The following PRR14 variants were observed in gnomAD, a reference collection of about 807,000 sequenced individuals.
The protein encoded by PRR14 is proline rich 14.
In PRR14, 33 loss-of-function variants were observed where a neutral mutation model predicts 57.2. That is an observed-to-expected ratio of 0.58 (90% CI 0.44 to 0.77). The LOEUF (loss-of-function observed/expected upper bound fraction) is 0.77, where lower values mean the gene tolerates loss of function less well. Among genes scored for constraint, PRR14 ranks in the 30% least tolerant of loss-of-function variants. PRR14 has a pLI of 0.00. For missense variants in PRR14, 716 were observed against 788.1 expected (o/e 0.91, Z 1.10); for synonymous variants, 303 against 314.7 (o/e 0.96, Z 0.39).
chr16:30,654,893 C>T lies in PRR14; in HGVS notation c.923C>T (p.Pro308Leu). Residue 308 changes from proline (P) to leucine (L), a missense_variant, in exon 8 of 12, where the codon CCA becomes CTA. By Grantham distance (98) the Pro-to-Leu change is moderately conservative (BLOSUM62 -3). Coordinates refer to ENST00000300835, the MANE Select transcript of PRR14 (RefSeq NM_024031.5). Reference sequence around the variant, plus strand: ...ACTGCGTCTGTCAGCCCCCGGCCCCCAATCCGCCAGTGGCGAACTCAGGAC... The same window carrying T: ...ACTGCGTCTGTCAGCCCCCGGCCCCTAATCCGCCAGTGGCGAACTCAGGAC... ...EGTASVSPRP[P>L]IRQWRTQDHN... 6.2e-7 allele frequency: 1 copy of T among 1,611,864 alleles called. No individual in the cohort carries two copies. The highest frequency in any genetic ancestry group is 8.5e-7 in the Non-Finnish European group (1 of 1,178,830).
In PRR14 at chr16:30,651,566, C is replaced by A; in HGVS notation, c.-50-30C>A. 1.2e-6 allele frequency: 1 copy of A among 853,622 alleles called. No individual in the cohort carries two copies. The highest frequency in any genetic ancestry group is 1.7e-6 in the Non-Finnish European group (1 of 575,714). The allele number at this position is 853,622 out of a possible 1,614,324, so 52.9% of individuals were successfully genotyped here. ...CCCAGGGAAGGGGCCGGCCCTCACCCCCCGCTCCCCCGCTCCCCCCTTACC... is the reference window on the plus strand; with the variant it reads ...CCCAGGGAAGGGGCCGGCCCTCACCACCCGCTCCCCCGCTCCCCCCTTACC... On this transcript the variant is annotated intron_variant, in intron 1 of 11. Transcript: ENST00000300835. This position sits in a 1 kb window ranked among gnomAD's most constrained non-coding sequence, Gnocchi z 5.0.
intron 3 of PRR14, 117 bp from the exon 4 acceptor site, chr16:30,652,604 A>G: frequency 7.7e-7 from 1 of 1,290,806 alleles, no homozygotes; most frequent in Non-Finnish European, 1.1e-6. Context: ...GATCCGAGTG[A>G]ATTCTAGCCC....
At position 30,653,088 on chromosome 16, in the gene PRR14, T is replaced by C. The variant is rs1365997397; in HGVS notation, c.489T>C (p.Pro163=). 4 of 1,607,846 alleles carry C rather than the reference T, an allele frequency of 2.5e-6. No individual in the cohort carries two copies. Among genetic ancestry groups the C allele is most frequent in the South Asian group, 1.1e-5 (1 of 90,616 alleles). ...LVVMLEDIAS[P]RPPAEGFIDE... is the part of the protein sequence containing the mutation. ...TGATGCTGGAAGACATCGCCAGTCC[T>C]AGACCCCCCGCTGAGGTATGGGAAC... The change falls in exon 5 of 12, where the codon CCT becomes CCC. Residue 163 remains proline, a synonymous_variant. Transcript: ENST00000300835.
Position 30,655,483 on chromosome 16 carries a change from C to G in PRR14, c.1315-19C>G. The G allele has an allele frequency of 6.2e-7, 1 of 1,613,928 alleles. No individual in the cohort carries two copies. Among genetic ancestry groups the G allele is most frequent in the South Asian group, 1.1e-5 (1 of 91,080 alleles). On this transcript the variant is annotated intron_variant, in intron 9 of 11. Coordinates refer to ENST00000300835, the MANE Select transcript of PRR14 (RefSeq NM_024031.5). This position sits in a 1 kb window ranked among gnomAD's most constrained non-coding sequence, Gnocchi z 4.6. Reference sequence around the variant, plus strand: ...CCTGAGCCCATGTCACTCTTTCACCCTCTGCCCCATTTTTGCAGACCATGG... The same window carrying G: ...CCTGAGCCCATGTCACTCTTTCACCGTCTGCCCCATTTTTGCAGACCATGG...
At chr16:30,653,324 G>T (rs1481482884) in intron 5 of PRR14, 41 bp from the exon 6 acceptor site, 1 of 1,606,342 alleles carries the variant, frequency 6.2e-7, no homozygotes, top group African/African-American at 1.3e-5. Context: ...CACTAAGGGG[G>T]CTTTCCTGCC....
chr16:30,651,283 C>T lies in PRR14; in HGVS notation c.-51+156C>T, dbSNP rs2052308539. ...GAAATAGCCTCCCAGGACCGGGATC[C>T]CCGTGGATCCCGGGGGATCTCGGGG... On this transcript the variant is annotated intron_variant, in intron 1 of 11. Coordinates refer to ENST00000300835, the MANE Select transcript of PRR14 (RefSeq NM_024031.5). This position sits in a 1 kb window ranked among gnomAD's most constrained non-coding sequence, Gnocchi z 5.0. 1 of 334,472 alleles carries T rather than the reference C, an allele frequency of 3.0e-6. No individual in the cohort carries two copies. The highest frequency in any genetic ancestry group is 2.1e-5 in the African/African-American group (1 of 46,698). 20.7% of individuals were successfully genotyped at this position (334,472 alleles called of 1,614,324 possible). A position where few individuals can be genotyped will look rare whatever the true frequency, so the allele number is the denominator to read the frequency against.
intron 3 of PRR14, chr16:30,652,191 C>T: frequency 3.1e-6 from 2 of 644,662 alleles, no homozygotes; most frequent in Non-Finnish European, 5.5e-6. Flanking sequence ...GGAACCACAT[C>T]CCTGTAACTC....
Position 30,655,576 on chromosome 16 carries a change from A to C in PRR14, c.1389A>C (p.Gly463=). 1 of 1,614,184 alleles carries C rather than the reference A, an allele frequency of 6.2e-7. No homozygotes were observed. The highest frequency in any genetic ancestry group is 1.6e-4 in the Middle Eastern group (1 of 6,062). ...CTCAGCTAAACCTTACACCAATGGGACTGCCTCGACCAATCAGGTGAGGGG... is the reference window on the plus strand; with the variant it reads ...CTCAGCTAAACCTTACACCAATGGGCCTGCCTCGACCAATCAGGTGAGGGG... ...ARPQLNLTPM[G]LPRPIRLNKK... is the part of the protein sequence containing the mutation. The change falls in exon 10 of 12, where the codon GGA becomes GGC. Residue 463 remains glycine, a synonymous_variant. Transcript: ENST00000300835. The surrounding 1 kb of genome is among the most constrained non-coding windows in gnomAD (Gnocchi z 4.6).
upstream of PRR14, chr16:30,650,925 G>T (rs1242674052): frequency 2.3e-6 from 1 of 432,962 alleles, no homozygotes; most frequent in South Asian, 1.6e-5. Context: ...GCGGGGACGC[G>T]AGGAGGGAAG....
rs139098749 is a variant in PRR14, at chr16:30,655,390, G to A, written c.1284G>A (p.Lys428=). Residue 428 remains lysine, a synonymous_variant, in exon 9 of 12, where the codon AAG becomes AAA. Transcript: ENST00000300835. This position sits in a 1 kb window ranked among gnomAD's most constrained non-coding sequence, Gnocchi z 4.6. Reference sequence around the variant, plus strand: ...AAGGGAAGGAGCCAAGAGCCTCAAAGGACCAGGTGCTTTCAGAACCTGAGA... The same window carrying A: ...AAGGGAAGGAGCCAAGAGCCTCAAAAGACCAGGTGCTTTCAGAACCTGAGA... ...STKGKEPRAS[K]DQVLSEPETK... 1.2e-5 allele frequency: 20 copies of A among 1,614,028 alleles called. No individual in the cohort carries two copies. The highest frequency in any genetic ancestry group is 2.7e-5 in the African/African-American group (2 of 74,942).
chr16:30,650,839 C>A (rs1253339766), upstream of PRR14: 6 of 338,568 alleles, frequency 1.8e-5, no homozygotes, highest in Non-Finnish European at 3.1e-5. Context: ...CAAGGAGTGG[C>A]TGGAGAGAGG....
At position 30,654,618 on chromosome 16, in the gene PRR14, C is replaced by T. The variant is rs1426270442; in HGVS notation, c.659-11C>T. 2 of 1,583,474 alleles carry T rather than the reference C, an allele frequency of 1.3e-6. No individual in the cohort carries two copies. Among genetic ancestry groups the T allele is most frequent in the East Asian group, 2.2e-5 (1 of 44,538 alleles). The stretch of plus-strand genomic sequence containing the variant: ...AAGGAATATCCACCTGTGACCCTCT[C>T]CTTTCCTCAGCCCCAGATCCTGCTC... On this transcript the variant is annotated splice_polypyrimidine_tract_variant and intron_variant, in intron 7 of 11. Transcript: ENST00000300835.
chr16:30,652,579 C>A, intron 3 of PRR14, 142 bp from the exon 4 acceptor site: 2 of 1,042,452 alleles, frequency 1.9e-6, no homozygotes, highest in Admixed American at 2.1e-5. Flanking sequence ...CAGTCCAATT[C>A]ATCTCTTCTC....
chr16:30,652,646 T>C (rs1160562184), intron 3 of PRR14, 75 bp from the exon 4 acceptor site: 12 of 1,582,434 alleles, frequency 7.6e-6, no homozygotes, highest in Admixed American at 1.7e-5. Flanking sequence ...CTCAGGGCAC[T>C]GTGAGGCACA....
chr16:30,651,612 C>A lies in PRR14; in HGVS notation c.-34C>A. 1 of 1,281,066 alleles carries A rather than the reference C, an allele frequency of 7.8e-7. No individual in the cohort carries two copies. Among genetic ancestry groups the A allele is most frequent in the Non-Finnish European group, 1.0e-6 (1 of 954,516 alleles). 79.4% of individuals were successfully genotyped at this position (1,281,066 alleles called of 1,614,324 possible). On this transcript the variant is annotated 5_prime_UTR_variant, in exon 2 of 12. Coordinates refer to ENST00000300835, the MANE Select transcript of PRR14 (RefSeq NM_024031.5). The surrounding 1 kb of genome is among the most constrained non-coding windows in gnomAD (Gnocchi z 5.0). ...TTACCCCAGGCCGCAGCCTGGGATT[C>A]CCCAGGGACCCCCCCGGAGCCGCCG...
rs745822667 is a variant in PRR14 at position 30,653,095 on chromosome 16, C to G, written c.496C>G (p.Pro166Ala). Residue 166 changes from proline to alanine, a missense_variant, in exon 5 of 12, where the codon CCC becomes GCC. Coordinates refer to ENST00000300835, the MANE Select transcript of PRR14 (RefSeq NM_024031.5). The stretch of plus-strand genomic sequence containing the variant: ...GGAAGACATCGCCAGTCCTAGACCC[C>G]CCGCTGAGGTATGGGAACTGAGGGT... ...MLEDIASPRP[P>A]AEGFIDETPN... 2.5e-6 allele frequency: 4 copies of G among 1,603,844 alleles called. No homozygotes were observed. In the African/African-American group the frequency reaches 4.0e-5, roughly 16 times the overall value.
chr16:30,652,189 A>C, intron 3 of PRR14: 4 of 632,770 alleles, frequency 6.3e-6, no homozygotes, highest in Non-Finnish European at 2.8e-6. Flanking sequence ...CTGGAACCAC[A>C]TCCCTGTAAC....
Position 30,655,647 on chromosome 16 carries a change from G to A in PRR14, c.1406+54G>A. The A allele has an allele frequency of 6.6e-7, 1 of 1,505,112 alleles. No individual in the cohort carries two copies. Among genetic ancestry groups the A allele is most frequent in the Non-Finnish European group, 9.2e-7 (1 of 1,083,066 alleles). The allele number at this position is 1,505,112 out of a possible 1,614,324, so 93.2% of individuals were successfully genotyped here. A position where few individuals can be genotyped will look rare whatever the true frequency, so the allele number is the denominator to read the frequency against. Reference sequence around the variant, plus strand: ...CTTGGCCAAACAGATGCAGGCTTATGTCCCCTGAAGTATAGCTTTGTCTCC... The same window carrying A: ...CTTGGCCAAACAGATGCAGGCTTATATCCCCTGAAGTATAGCTTTGTCTCC... On this transcript the variant is annotated intron_variant, in intron 10 of 11. Transcript: ENST00000300835. The surrounding 1 kb of genome is among the most constrained non-coding windows in gnomAD (Gnocchi z 4.6).
intron 6 of PRR14, 140 bp downstream of exon 6, chr16:30,653,548 C>T: frequency 1.1e-6 from 1 of 873,088 alleles, no homozygotes; most frequent in Non-Finnish European, 1.8e-6. Context: ...CGGGCACGCC[C>T]ATGCCTAATG....
Sources: allele counts gnomAD v4.1 joint callset, GRCh38; gene constraint gnomAD v4.1.1; non-coding constraint Gnocchi (gnomAD v3.1); transcripts MANE v1.5; gene names NCBI Gene and HGNC (gene_info 2026-07-23, HGNC 2026-07-21).